Variants in RGS12 observed in about 807,000 individuals in gnomAD.
RGS12 encodes regulator of G-protein signaling 12.
Under a neutral mutation model 120.1 loss-of-function variants are expected in RGS12, and 66 were observed. That is an observed-to-expected ratio of 0.55 (90% CI 0.45 to 0.67). The LOEUF (loss-of-function observed/expected upper bound fraction) is 0.67. RGS12 is among the 30% of genes least tolerant of loss of function. The pLI is 0.00. For synonymous variants in RGS12, 827 were observed against 804.7 expected (o/e 1.03, Z -0.47); for missense variants, 1,859 against 1,957.7 (o/e 0.95, Z 0.95).
In RGS12 at chr4:3,375,461, T is replaced by G. The variant is rs368711584; in HGVS notation, c.1999-10955T>G. 2.7e-4 allele frequency among the ~76,000 whole-genome samples: 12 copies of G among 43,640 alleles called. 1 individual carries two copies. Among genetic ancestry groups the G allele is most frequent in the East Asian group, 9.0e-4 (1 of 1,110 alleles). 28.6% of individuals were successfully genotyped at this position (43,640 alleles called of 152,430 possible). On this transcript the variant is annotated intron_variant, in intron 3 of 17. Coordinates refer to ENST00000336727, the MANE Select transcript of RGS12 (RefSeq NM_001394154.1). ...AGCCTCATCTCCAGCCTCATCTCCA[T>G]CCCTCATCTCCAGCCCTCATCTCCA...
intron 3 of RGS12, among the ~76,000 whole-genome samples, chr4:3,368,970 C>T (rs974534370): frequency 5.9e-5 from 9 of 151,902 alleles, no homozygotes; most frequent in Non-Finnish European, 1.2e-4. Context: ...TAGGTAGAGG[C>T]GGGGCCCTGT....
rs771137982 is a variant in RGS12, at chr4:3,316,577, G to A, written c.407G>A (p.Arg136Gln). The change falls in exon 2 of 18, where the codon CGA becomes CAA. Residue 136 changes from arginine (R) to glutamine (Q), a missense_variant. This residue lies in a region of RGS12 where 967 missense variants were observed against 994.2 expected (regional missense o/e 0.97). Coordinates refer to ENST00000336727, the MANE Select transcript of RGS12 (RefSeq NM_001394154.1). ...SKALGINRAERVVEEMQSGGI... is the reference protein window; with the variant it reads ...SKALGINRAEQVVEEMQSGGI... Reference sequence around the variant, plus strand: ...GCACTAGGTATAAACAGAGCAGAGCGAGTCGTGGAGGAAATGCAGTCTGGT... The same window carrying A: ...GCACTAGGTATAAACAGAGCAGAGCAAGTCGTGGAGGAAATGCAGTCTGGT... 31 of 1,614,054 alleles carry A rather than the reference G, an allele frequency of 1.9e-5. No individual in the cohort carries two copies. Among genetic ancestry groups the A allele is most frequent in the Admixed American group, 1.2e-4 (7 of 60,012 alleles).
At chr4:3,376,247 A>AACACACAC (rs55666879) in intron 3 of RGS12, among the ~76,000 whole-genome samples, 4,228 of 143,482 alleles carry the variant, frequency 0.029, 92 homozygotes, top group African/African-American at 0.034. Flanking sequence ...AGCTCCTTGG[A>AACACACAC]ACACACACAC....
chr4:3,422,277 C>A, intron 10 of RGS12, 99 bp from the exon 11 acceptor site: 1 of 1,269,040 alleles, frequency 7.9e-7, no homozygotes, highest in Non-Finnish European at 1.1e-6. Context: ...GCCAGCCTCC[C>A]CAGCACGTGC....
At chr4:3,382,027 T>G (rs2108945731) in intron 3 of RGS12, among the ~76,000 whole-genome samples, 1 of 152,316 alleles carries the variant, frequency 6.6e-6, no homozygotes, top group East Asian at 1.9e-4. Flanking sequence ...AAGTTTTATT[T>G]GTCAAAAAAT....
chr4:3,368,414 G>A (rs1310233407), intron 3 of RGS12, among the ~76,000 whole-genome samples: 1 of 140,192 alleles, frequency 7.1e-6, no homozygotes, highest in Non-Finnish European at 1.6e-5. Flanking sequence ...CTGTGTGTGT[G>A]TGAGTGCCTG....
chr4:3,391,575 C>G (rs764885021), intron 4 of RGS12, among the ~76,000 whole-genome samples: 1 of 152,206 alleles, frequency 6.6e-6, no homozygotes, highest in Non-Finnish European at 1.5e-5. Flanking sequence ...AGGCGCCACC[C>G]CTTCCCACTC....
chr4:3,409,282 G>A (rs1721483371), intron 4 of RGS12, among the ~76,000 whole-genome samples: 1 of 152,232 alleles, frequency 6.6e-6, no homozygotes, highest in African/African-American at 2.4e-5. Flanking sequence ...TTCCCTGGGC[G>A]GGCACACCAG....
In RGS12 at chr4:3,422,662, C is replaced by A; in HGVS notation, c.3033+92C>A. 3 of 1,348,226 alleles carry A rather than the reference C, an allele frequency of 2.2e-6. No individual in the cohort carries two copies. In the South Asian group the frequency reaches 4.1e-5, roughly 18 times the overall value. The allele number at this position is 1,348,226 out of a possible 1,614,324, so 83.5% of individuals were successfully genotyped here. On this transcript the variant is annotated intron_variant, in intron 11 of 17. Coordinates refer to ENST00000336727, the MANE Select transcript of RGS12 (RefSeq NM_001394154.1). ...TTTGTCAGAGTCCTCAGGCTGCCCC[C>A]TCCTGCGCTCCTCATTTCAACAGCG...
At chr4:3,340,376 A>G (rs1188777060) in intron 2 of RGS12, among the ~76,000 whole-genome samples, 1 of 152,222 alleles carries the variant, frequency 6.6e-6, no homozygotes, top group Non-Finnish European at 1.5e-5. Context: ...AAAGACTGGG[A>G]GAGAGGACGC....
At chr4:3,320,238 G>A (rs777283856) in intron 2 of RGS12, among the ~76,000 whole-genome samples, 1 of 152,160 alleles carries the variant, frequency 6.6e-6, no homozygotes, top group Non-Finnish European at 1.5e-5. Flanking sequence ...TAATGCTGTC[G>A]TCCCCATCCC....
rs150230031 is a variant in RGS12, at chr4:3,317,781, G to T, written c.1611G>T (p.Trp537Cys). The change falls in exon 2 of 18, where the codon TGG (tryptophan) becomes TGT (cysteine). Residue 537 changes from tryptophan to cysteine, a missense_variant. This residue lies in a region of RGS12 where 967 missense variants were observed against 994.2 expected (regional missense o/e 0.97). Transcript: ENST00000336727. ...VGAGCGFNQR[W>C]LPVHVLREWQ... ...CTGGCTGTGGTTTCAACCAGCGCTGGCTCCCGGTCCACGTGCTCCGGGAGT... is the reference window on the plus strand; with the variant it reads ...CTGGCTGTGGTTTCAACCAGCGCTGTCTCCCGGTCCACGTGCTCCGGGAGT... 4.8e-3 allele frequency: 7,698 copies of T among 1,613,412 alleles called. 25 individuals carry two copies. The highest frequency in any genetic ancestry group is 6.0e-3 in the Non-Finnish European group (7,109 of 1,179,942).
intron 3 of RGS12, among the ~76,000 whole-genome samples, chr4:3,344,726 A>T (rs1005601620): frequency 3.3e-5 from 5 of 152,304 alleles, no homozygotes; most frequent in African/African-American, 9.6e-5. Context: ...TGGATGCTCC[A>T]TCTCCACCAG....
rs763127726 is a variant in RGS12 at position 3,422,396 on chromosome 4, G to A, written c.2859G>A (p.Leu953=). 1.9e-6 allele frequency: 3 copies of A among 1,612,274 alleles called. No homozygotes were observed. In the East Asian group the frequency reaches 6.7e-5, roughly 36 times the overall value. Residue 953 remains leucine (L), a synonymous_variant, in exon 11 of 18, where the codon TTG becomes TTA. Coordinates refer to ENST00000336727, the MANE Select transcript of RGS12 (RefSeq NM_001394154.1). ...SLDLSEACRT[L]APEKDKATKH... ...CCCAGTCGGAGGCCTGCAGGACTTT[G>A]GCACCCGAGAAGGACAAGGCCACCA...
At chr4:3,429,875 G>A (rs1724061766) in intron 16 of RGS12, among the ~76,000 whole-genome samples, 1 of 152,170 alleles carries the variant, frequency 6.6e-6, no homozygotes, top group South Asian at 2.1e-4. Flanking sequence ...CCGAGAGGCA[G>A]GCGTGGATTT....
intron 4 of RGS12, among the ~76,000 whole-genome samples, chr4:3,405,670 G>A (rs1252566687): frequency 1.3e-5 from 2 of 152,182 alleles, no homozygotes; most frequent in African/African-American, 4.8e-5. Context: ...CTACACTGAC[G>A]TGTTTAGGGG....
At chr4:3,306,910 C>T (rs1034386052) in intron 1 of RGS12, among the ~76,000 whole-genome samples, 1 of 152,164 alleles carries the variant, frequency 6.6e-6, no homozygotes, top group Non-Finnish European at 1.5e-5. Context: ...CAGGGAGTGA[C>T]GGTGGATTCC....
chr4:3,378,420 A>T (rs1222884662), intron 3 of RGS12: 1 of 152,254 alleles, frequency 6.6e-6, no homozygotes, highest in Non-Finnish European at 1.5e-5. Context: ...AGGTGGGATT[A>T]CATTGAAGTA....
In RGS12 at chr4:3,317,479, C is replaced by T. The variant is rs148172496; in HGVS notation, c.1309C>T (p.Arg437Trp). ...GNFHQEEKSNRVLVVDLGGSS... is the reference protein window; with the variant it reads ...GNFHQEEKSNWVLVVDLGGSS... Reference sequence around the variant, plus strand: ...CTTCCACCAGGAGGAGAAGAGCAACCGGGTCCTTGTGGTGGACCTGGGTGG... The same window carrying T: ...CTTCCACCAGGAGGAGAAGAGCAACTGGGTCCTTGTGGTGGACCTGGGTGG... Residue 437 changes from arginine to tryptophan, a missense_variant, in exon 2 of 18, where the codon CGG becomes TGG. Arg to Trp is a moderately radical substitution (Grantham distance 101). Coordinates refer to ENST00000336727, the MANE Select transcript of RGS12 (RefSeq NM_001394154.1). The T allele has an allele frequency of 3.7e-5, 60 of 1,613,748 alleles. No individual in the cohort carries two copies. The highest frequency in any genetic ancestry group is 2.1e-4 in the African/African-American group (16 of 74,946).
Sources: allele counts gnomAD v4.1 joint callset (sites outside exome capture counted in the v4.1 genomes callset), GRCh38; gene constraint gnomAD v4.1.1; regional missense constraint gnomAD v4.1.1; transcripts MANE v1.5; gene names NCBI Gene and HGNC (gene_info 2026-07-23, HGNC 2026-07-21).